SCLY: variants seen among roughly 807,000 people sequenced by gnomAD.
SCLY encodes the protein selenocysteine lyase, also known as putative selenocysteine lyase.
Under a neutral mutation model 50.1 loss-of-function variants are expected in SCLY, and 38 were observed. That is an observed-to-expected ratio of 0.76 (90% CI 0.59 to 0.99). SCLY has a LOEUF of 0.99. Ranked by LOEUF, SCLY falls within the 50% of genes least tolerant of loss-of-function variation. SCLY has a pLI of 0.00. For missense variants in SCLY, 600 were observed against 620.0 expected (o/e 0.97, Z 0.34); for synonymous variants, 243 against 249.4 (o/e 0.97, Z 0.24).
chr2:238,072,515 G>C (rs1278721687), intron 4 of SCLY, among the ~76,000 whole-genome samples: 3 of 152,148 alleles, frequency 2.0e-5, no homozygotes, highest in Non-Finnish European at 4.4e-5. Flanking sequence ...GTGTCACAGG[G>C]TTCCAATTCC....
intron 10 of SCLY, among the ~76,000 whole-genome samples, chr2:238,095,080 G>A (rs1373447147): frequency 6.6e-6 from 1 of 152,196 alleles, no homozygotes; most frequent in Non-Finnish European, 1.5e-5. Context: ...GTGTGCACCT[G>A]TAGTCCCAGC....
In SCLY at chr2:238,076,726, A is replaced by T. The variant is rs946611131; in HGVS notation, c.485-4983A>T. 7.0e-3 allele frequency among the ~76,000 whole-genome samples: 907 copies of T among 130,454 alleles called. 3 individuals carry two copies. Among genetic ancestry groups the T allele is most frequent in the Non-Finnish European group, 8.1e-3 (487 of 59,864 alleles). 85.6% of individuals were successfully genotyped at this position (130,454 alleles called of 152,430 possible). On this transcript the variant is annotated intron_variant, in intron 4 of 11. Transcript: ENST00000254663. ...ATTATCAATAAAAAAATAAATTAAA[A>T]AAAAAAAAAAAAGAGTGTATTGTTT...
At position 238,083,113 on chromosome 2, in the gene SCLY, C is replaced by A. The variant is rs745322603; in HGVS notation, c.778-135C>A. 1.3e-6 allele frequency: 1 copy of A among 752,720 alleles called. No homozygotes were observed. The highest frequency in any genetic ancestry group is 2.0e-5 in the Admixed American group (1 of 50,734). 46.6% of individuals were successfully genotyped at this position (752,720 alleles called of 1,614,324 possible). ...TCTGCGTGTCAAAAGGGGTGGCACT[C>A]AGAGGCGCCACAAGGAAGCAGCAGG... On this transcript the variant is annotated intron_variant, in intron 6 of 11. Coordinates refer to ENST00000254663, the MANE Select transcript of SCLY (RefSeq NM_016510.7). The surrounding 1 kb of genome is among the most constrained non-coding windows in gnomAD (Gnocchi z 4.3).
At chr2:238,096,615 A>G (rs543899189) in intron 10 of SCLY, among the ~76,000 whole-genome samples, 186 bp from the exon 11 acceptor site, 1 of 152,302 alleles carries the variant, frequency 6.6e-6, no homozygotes, top group East Asian at 1.9e-4. Context: ...GCCAAGGGAG[A>G]AAGGAAGCGT....
At chr2:238,072,560 T>C (rs1039735310) in intron 4 of SCLY, among the ~76,000 whole-genome samples, 2 of 152,248 alleles carry the variant, frequency 1.3e-5, no homozygotes, top group Non-Finnish European at 2.9e-5. Context: ...ATCTGTCTTT[T>C]TGATTATTGC....
chr2:238,098,216 T>C lies in SCLY; in HGVS notation c.1199T>C (p.Leu400Pro), dbSNP rs763796056. The C allele has an allele frequency of 6.2e-7, 1 of 1,610,598 alleles. No individual in the cohort carries two copies. Among genetic ancestry groups the C allele is most frequent in the South Asian group, 1.1e-5 (1 of 91,004 alleles). Residue 400 changes from leucine (L) to proline (P), a missense_variant, in exon 12 of 12, where the codon CTG becomes CCG. Transcript: ENST00000254663. Reference protein sequence around the residue: ...SDHGDQPSPVLLSYGVPFDVA... With the variant: ...SDHGDQPSPVPLSYGVPFDVA... ...GCCCTCCCCAGGCCGTCCCCAGTGCTGCTGAGCTACGGTGTCCCCTTCGAC... is the reference window on the plus strand; with the variant it reads ...GCCCTCCCCAGGCCGTCCCCAGTGCCGCTGAGCTACGGTGTCCCCTTCGAC...
At chr2:238,086,903 C>T (rs1193985085) in intron 7 of SCLY, among the ~76,000 whole-genome samples, 1 of 151,788 alleles carries the variant, frequency 6.6e-6, no homozygotes, top group Non-Finnish European at 1.5e-5. Context: ...CCTATAATCC[C>T]AGCTACTTGG....
chr2:238,078,338 T>C (rs779748658), intron 4 of SCLY, among the ~76,000 whole-genome samples: 1 of 152,232 alleles, frequency 6.6e-6, no homozygotes, highest in Non-Finnish European at 1.5e-5. Flanking sequence ...ATTGACATAG[T>C]TGGAGTACCA....
Position 238,099,212 on chromosome 2 carries a change from C to G in SCLY, c.*857C>G. 2.1e-6 allele frequency: 1 copy of G among 471,204 alleles called. No homozygotes were observed. The highest frequency in any genetic ancestry group is 4.4e-6 in the Non-Finnish European group (1 of 226,984). The allele number at this position is 471,204 out of a possible 1,614,324, so 29.2% of individuals were successfully genotyped here. On this transcript the variant is annotated 3_prime_UTR_variant, in exon 12 of 12. Transcript: ENST00000254663. ...CGGATCATCCCTGACTCAGCTTTTA[C>G]CTTAATTTTATTTGCAGAGGATTCT...
At chr2:238,082,723 C>T (rs1220638863) in intron 6 of SCLY, 1 of 179,006 alleles carries the variant, frequency 5.6e-6, no homozygotes. Context: ...TTTCTGGCAG[C>T]TTACCAGGGC....
In SCLY at chr2:238,068,158, G is replaced by T; in HGVS notation, c.296G>T (p.Gly99Val). 4.4e-6 allele frequency: 7 copies of T among 1,604,214 alleles called. No homozygotes were observed. The highest frequency in any genetic ancestry group is 3.4e-6 in the Non-Finnish European group (4 of 1,173,822). Residue 99 changes from glycine to valine, a missense_variant, in exon 3 of 12, where the codon GGC (glycine) becomes GTC (valine). Transcript: ENST00000254663. ...KPQDIIFTSGGTESNNLVIHS... is the reference protein window; with the variant it reads ...KPQDIIFTSGVTESNNLVIHS... ...CAAGATATAATCTTCACTTCCGGGGGCACTGAGGTAAAGCTTCTGAACACA... is the reference window on the plus strand; with the variant it reads ...CAAGATATAATCTTCACTTCCGGGGTCACTGAGGTAAAGCTTCTGAACACA...
chr2:238,063,410 A>G (rs1057206042), intron 1 of SCLY, among the ~76,000 whole-genome samples: 1 of 152,002 alleles, frequency 6.6e-6, no homozygotes, highest in African/African-American at 2.4e-5. Flanking sequence ...TTTAGTAGAG[A>G]TGGAGTTTCA....
chr2:238,068,296 C>A (rs2065094149), intron 3 of SCLY, 131 bp downstream of exon 3: 1 of 700,716 alleles, frequency 1.4e-6, no homozygotes, highest in South Asian at 2.2e-5. Context: ...TGCCTGTAAT[C>A]CCAGTACTTT....
At chr2:238,094,608 C>T (rs1178899216) in intron 10 of SCLY, 86 bp downstream of exon 10, 19 of 1,152,400 alleles carry the variant, frequency 1.6e-5, no homozygotes, top group Admixed American at 8.7e-5. Flanking sequence ...GACTCCCACT[C>T]GCCCTGCCCT....
intron 4 of SCLY, among the ~76,000 whole-genome samples, chr2:238,074,922 G>A (rs1278488584): frequency 6.6e-6 from 1 of 152,060 alleles, no homozygotes. Flanking sequence ...TTGTCTAATT[G>A]CCTTGACTAG....
chr2:238,098,425 C>A lies in SCLY; in HGVS notation c.*70C>A. The A allele has an allele frequency of 2.0e-6, 3 of 1,463,520 alleles. No individual in the cohort carries two copies. The highest frequency in any genetic ancestry group is 2.7e-6 in the Non-Finnish European group (3 of 1,094,962). The allele number at this position is 1,463,520 out of a possible 1,614,324, so 90.7% of individuals were successfully genotyped here. ...AGGGCACAGGGTTGTCCCTCCAGTTCCCTCCTGAGGGCTGTGCCAGGATGA... is the reference window on the plus strand; with the variant it reads ...AGGGCACAGGGTTGTCCCTCCAGTTACCTCCTGAGGGCTGTGCCAGGATGA... On this transcript the variant is annotated 3_prime_UTR_variant, in exon 12 of 12. Coordinates refer to ENST00000254663, the MANE Select transcript of SCLY (RefSeq NM_016510.7).
intron 11 of SCLY, among the ~76,000 whole-genome samples, chr2:238,097,319 C>T (rs991414079): frequency 6.6e-6 from 1 of 152,150 alleles, no homozygotes; most frequent in Non-Finnish European, 1.5e-5. Context: ...GATAGCAGGG[C>T]CCGGGTGAGC....
Position 238,093,545 on chromosome 2 carries a change from G to A in SCLY, c.922-316G>A. On this transcript the variant is annotated intron_variant, in intron 8 of 11. Transcript: ENST00000254663. ...AGGTGCCTTCACAGCGCCAACTGGT[G>A]GGTAGGAGTCTGTTCCCCTCTTCCC... 4 of 376,556 alleles carry A rather than the reference G, an allele frequency of 1.1e-5. No individual in the cohort carries two copies. In the South Asian group the frequency reaches 1.3e-4, roughly 13 times the overall value. 23.3% of individuals were successfully genotyped at this position (376,556 alleles called of 1,614,324 possible).
intron 7 of SCLY, among the ~76,000 whole-genome samples, chr2:238,090,971 CTG>C (rs1458395470): frequency 6.6e-6 from 1 of 152,122 alleles, no homozygotes; most frequent in Non-Finnish European, 1.5e-5. Context: ...CCAGATAGAA[CTG>C]TCACAGTGAA....
Sources: gnomAD v4.1 joint callset for allele counts (sites outside exome capture counted in the v4.1 genomes callset) on GRCh38, gnomAD v4.1.1 for gene constraint, Gnocchi (gnomAD v3.1) non-coding constraint, MANE v1.5 for transcripts, NCBI Gene and HGNC (gene_info 2026-07-23, HGNC 2026-07-21) for gene names.